FUT8: variants seen among roughly 807,000 people sequenced by gnomAD.
FUT8 encodes the protein alpha-(1,6)-fucosyltransferase.
Under a neutral mutation model 71.3 loss-of-function variants are expected in FUT8, and 29 were observed. That is an observed-to-expected ratio of 0.41 (90% CI 0.30 to 0.55). The LOEUF is 0.55. Among genes scored for constraint, FUT8 ranks in the 20% least tolerant of loss-of-function variants. FUT8 has a pLI of 0.34. For synonymous variants in FUT8, 254 were observed against 239.3 expected (o/e 1.06, Z -0.57); for missense variants, 544 against 702.1 (o/e 0.77, Z 2.55).
chr14:65,682,101 G>A (rs1042388025), intron 7 of FUT8, among the ~76,000 whole-genome samples: 2 of 152,238 alleles, frequency 1.3e-5, no homozygotes, highest in Non-Finnish European at 2.9e-5. Flanking sequence ...GAGAGTCCCT[G>A]TAACTCTGGA....
At chr14:65,668,665 A>G (rs1017019861) in intron 6 of FUT8, among the ~76,000 whole-genome samples, 7 of 152,180 alleles carry the variant, frequency 4.6e-5, no homozygotes, top group African/African-American at 1.7e-4. Flanking sequence ...TGACCCCGCA[A>G]TCCCGTTTTT....
chr14:65,448,522 G>A (rs1286598080), intron 1 of FUT8, among the ~76,000 whole-genome samples: 4 of 152,150 alleles, frequency 2.6e-5, no homozygotes, highest in African/African-American at 9.7e-5. Context: ...GATCCTTGCA[G>A]TATCCTTGTG....
intron 3 of FUT8, among the ~76,000 whole-genome samples, chr14:65,565,260 T>G (rs1886128766): frequency 6.6e-6 from 1 of 151,984 alleles, no homozygotes; most frequent in Admixed American, 6.6e-5. Context: ...ATGAGGGATC[T>G]AGCTCCATAA....
chr14:65,511,125 A>G (rs1882312568), intron 2 of FUT8, among the ~76,000 whole-genome samples: 1 of 152,046 alleles, frequency 6.6e-6, no homozygotes, highest in Non-Finnish European at 1.5e-5. Flanking sequence ...ATTTGTTTCA[A>G]GGAAGTTTTC....
intron 7 of FUT8, among the ~76,000 whole-genome samples, chr14:65,711,151 A>G (rs1894796554): frequency 6.6e-6 from 1 of 152,254 alleles, no homozygotes; most frequent in African/African-American, 2.4e-5. Flanking sequence ...AAATGCCCAA[A>G]CTGTAACAGT....
intron 3 of FUT8, among the ~76,000 whole-genome samples, chr14:65,580,305 G>A (rs1037134910): frequency 4.6e-5 from 7 of 151,418 alleles, no homozygotes; most frequent in Admixed American, 2.0e-4. Context: ...GTTGTAACAT[G>A]ATGGTTAAGT....
intron 1 of FUT8, among the ~76,000 whole-genome samples, chr14:65,415,179 G>A (rs1201100244): frequency 2.6e-5 from 4 of 152,128 alleles, no homozygotes; most frequent in Admixed American, 6.5e-5. Flanking sequence ...CATTGGTCTG[G>A]AGGGGGAGCT....
intron 7 of FUT8, among the ~76,000 whole-genome samples, chr14:65,719,797 G>A (rs1895318142): frequency 6.6e-6 from 1 of 152,150 alleles, no homozygotes; most frequent in African/African-American, 2.4e-5. Flanking sequence ...CCCTTACTTT[G>A]TCCCAAACAA....
intron 2 of FUT8, among the ~76,000 whole-genome samples, chr14:65,457,291 G>A (rs1487862127): frequency 6.6e-6 from 1 of 152,150 alleles, no homozygotes; most frequent in Non-Finnish European, 1.5e-5. Flanking sequence ...TTTTTAAAAT[G>A]TTATTAAAAC....
intron 10 of FUT8, among the ~76,000 whole-genome samples, chr14:65,734,879 C>G (rs557779975): frequency 2.8e-4 from 42 of 152,234 alleles, no homozygotes; most frequent in Non-Finnish European, 4.6e-4. Context: ...CCAGAGAATT[C>G]TTTGTTGTGA....
In FUT8 at chr14:65,512,919, A is replaced by G. The variant is rs1016904504; in HGVS notation, c.-227-48418A>G. 2.0e-5 allele frequency among the ~76,000 whole-genome samples: 3 copies of G among 151,432 alleles called. No homozygotes were observed. The East Asian group carries it at 5.8e-4, about 29-fold the overall frequency. On this transcript the variant is annotated intron_variant, in intron 2 of 10. Transcript: ENST00000673929. ...TGAGACTCTGTCTCAAAAAAAAAAA[A>G]AAAAAAGAAAAAGAAATTGTGATGT...
chr14:65,544,379 T>G (rs990223848), intron 2 of FUT8, among the ~76,000 whole-genome samples: 6 of 152,316 alleles, frequency 3.9e-5, no homozygotes, highest in East Asian at 1.9e-4. Flanking sequence ...CCATATGTGA[T>G]TGATTTGAAA....
intron 7 of FUT8, among the ~76,000 whole-genome samples, chr14:65,718,255 T>G (rs1322893651): frequency 6.6e-6 from 1 of 152,210 alleles, no homozygotes; most frequent in Non-Finnish European, 1.5e-5. Flanking sequence ...TGATTTGAGA[T>G]TATCATGAGG....
chr14:65,602,031 TA>T (rs1224788863), intron 3 of FUT8, among the ~76,000 whole-genome samples: 1 of 151,896 alleles, frequency 6.6e-6, no homozygotes, highest in Non-Finnish European at 1.5e-5. Flanking sequence ...TATTCCGTTA[TA>T]TAAGTTCTTC....
At position 65,431,975 on chromosome 14, in the gene FUT8, G is replaced by T. The variant is rs544479140; in HGVS notation, c.-326+18761G>T. 3.1e-4 allele frequency among the ~76,000 whole-genome samples: 47 copies of T among 152,142 alleles called. No individual in the cohort carries two copies. The South Asian group carries it at 9.7e-3, about 32-fold the overall frequency. On this transcript the variant is annotated intron_variant, in intron 1 of 10. Transcript: ENST00000673929. The stretch of plus-strand genomic sequence containing the variant: ...GGCCAAAGGAAAAAAAACAATTTAT[G>T]TCTGTTGTTTCAATTTGGTTACCTT...
rs1162058408 is a variant in FUT8, at chr14:65,574,243, G to A, written c.203+12477G>A. Among the ~76,000 whole-genome samples, 6 of 152,140 alleles carry A rather than the reference G, an allele frequency of 3.9e-5. No homozygotes were observed. The highest frequency in any genetic ancestry group is 7.3e-5 in the Non-Finnish European group (5 of 68,034). Reference sequence around the variant, plus strand: ...TCAAAACCAGCAAGGAAGAGAATCTGCTAGCAAGATAAAGTTTCAGTCTTT... The same window carrying A: ...TCAAAACCAGCAAGGAAGAGAATCTACTAGCAAGATAAAGTTTCAGTCTTT... On this transcript the variant is annotated intron_variant, in intron 3 of 10. Transcript: ENST00000673929. This position sits in a 1 kb window ranked among gnomAD's most constrained non-coding sequence, Gnocchi z 5.2.
the FUT8 span, among the ~76,000 whole-genome samples, chr14:65,401,731 C>G: frequency 1.3e-5 from 2 of 151,924 alleles, no homozygotes; most frequent in Admixed American, 1.3e-4. Context: ...AACCCCATCT[C>G]TACTAAAAAT....
At chr14:65,382,768 C>G in the FUT8 span, among the ~76,000 whole-genome samples, 6 of 152,180 alleles carry the variant, frequency 3.9e-5, no homozygotes, top group African/African-American at 1.4e-4. Context: ...AGAATAGCTG[C>G]TTTTGTCCTT....
chr14:65,568,128 T>C (rs1390736376), intron 3 of FUT8, among the ~76,000 whole-genome samples: 1 of 151,796 alleles, frequency 6.6e-6, no homozygotes, highest in Non-Finnish European at 1.5e-5. Context: ...TCTTTTTTTT[T>C]CTCATGTCAA....
Sources: gnomAD v4.1 joint callset for allele counts (sites outside exome capture counted in the v4.1 genomes callset) on GRCh38, gnomAD v4.1.1 for gene constraint, Gnocchi (gnomAD v3.1) non-coding constraint, MANE v1.5 for transcripts, NCBI Gene and HGNC (gene_info 2026-07-23, HGNC 2026-07-21) for gene names.